The following NAPG variants were observed in gnomAD, a reference collection of about 807,000 sequenced individuals.
The protein encoded by NAPG is NSF attachment protein gamma.
In NAPG, 25 loss-of-function variants were observed where a neutral mutation model predicts 48.4. The observed-to-expected ratio is 0.52, with a 90% CI of 0.38 to 0.72. The LOEUF (loss-of-function observed/expected upper bound fraction) is 0.72, where lower values mean the gene tolerates loss of function less well. NAPG is among the 30% of genes least tolerant of loss of function. The pLI is 0.00. For missense variants in NAPG, 359 were observed against 372.5 expected (o/e 0.96, Z 0.30); for synonymous variants, 139 against 127.2 (o/e 1.09, Z -0.62).
At chr18:10,526,287 A>AG in intron 1 of NAPG, 129 bp downstream of exon 1, 1 of 695,990 alleles carries the variant, frequency 1.4e-6, no homozygotes, top group South Asian at 1.6e-5. Context: ...TGGTGCCCGC[A>AG]GGGCTGCCGG....
Position 10,548,561 on chromosome 18 carries a change from G to A in NAPG, c.665+183G>A, listed in dbSNP as rs1034159249. ...CACCTTTTTTTTTTTTCCCTTTCCT[G>A]TATTTTTCTCTAGGGGACCTCCATG... On this transcript the variant is annotated intron_variant, in intron 10 of 11. Transcript: ENST00000322897. This position sits in a 1 kb window ranked among gnomAD's most constrained non-coding sequence, Gnocchi z 4.4. Among the ~76,000 whole-genome samples the A allele has an allele frequency of 1.6e-4, 22 of 136,014 alleles. No individual in the cohort carries two copies. Among genetic ancestry groups the A allele is most frequent in the Admixed American group, 1.5e-3 (20 of 13,592 alleles). 89.2% of individuals were successfully genotyped at this position (136,014 alleles called of 152,430 possible). A position where few individuals can be genotyped will look rare whatever the true frequency, so the allele number is the denominator to read the frequency against.
intron 5 of NAPG, among the ~76,000 whole-genome samples, chr18:10,538,961 C>T (rs1031770795): frequency 6.6e-5 from 10 of 152,020 alleles, no homozygotes; most frequent in East Asian, 1.9e-4. Context: ...TGAGATCTCA[C>T]GCCAGTCAGA....
chr18:10,547,065 G>A (rs532495545), intron 9 of NAPG, among the ~76,000 whole-genome samples: 41 of 152,320 alleles, frequency 2.7e-4, no homozygotes, highest in African/African-American at 9.6e-4. Flanking sequence ...CAAGTCTTGG[G>A]TTTACTCTTC....
intron 3 of NAPG, chr18:10,533,321 A>G: frequency 2.3e-6 from 1 of 426,812 alleles, no homozygotes; most frequent in Non-Finnish European, 4.1e-6. Flanking sequence ...AATAGTTTAA[A>G]ATCTGTGCAG....
chr18:10,526,364 G>A, intron 1 of NAPG: 1 of 564,846 alleles, frequency 1.8e-6, no homozygotes, highest in Non-Finnish European at 3.1e-6. Flanking sequence ...GGGAAGCGCC[G>A]TGGGTCCACC....
chr18:10,541,673 C>G (rs1312958822), intron 8 of NAPG, among the ~76,000 whole-genome samples: 2 of 152,160 alleles, frequency 1.3e-5, no homozygotes, highest in Admixed American at 1.3e-4. Flanking sequence ...TTCTCATCTC[C>G]TGATGCTCCC....
At chr18:10,530,720 C>A in intron 1 of NAPG, 50 bp from the exon 2 acceptor site, 6 of 1,132,818 alleles carry the variant, frequency 5.3e-6, no homozygotes, top group Non-Finnish European at 7.2e-6. Flanking sequence ...AGAGATCTGA[C>A]TTATAAATGT....
At chr18:10,535,634 G>A (rs1189519205) in intron 5 of NAPG, among the ~76,000 whole-genome samples, 5 of 152,112 alleles carry the variant, frequency 3.3e-5, no homozygotes, top group South Asian at 2.1e-4. Flanking sequence ...GGTGGCGGGC[G>A]CCTGTAATCC....
Position 10,550,281 on chromosome 18 carries a change from G to A in NAPG, c.*61G>A. 6.6e-7 allele frequency: 1 copy of A among 1,522,268 alleles called. No individual in the cohort carries two copies. The highest frequency in any genetic ancestry group is 8.8e-7 in the Non-Finnish European group (1 of 1,136,358). 94.3% of individuals were successfully genotyped at this position (1,522,268 alleles called of 1,614,324 possible). A position where few individuals can be genotyped will look rare whatever the true frequency, so the allele number is the denominator to read the frequency against. On this transcript the variant is annotated 3_prime_UTR_variant, in exon 12 of 12. Coordinates refer to ENST00000322897, the MANE Select transcript of NAPG (RefSeq NM_003826.3). ...TAAAATCCTGACATGCCATTTCAAG[G>A]ACTTGGGAATAGATTAGGGATATCC...
intron 2 of NAPG, among the ~76,000 whole-genome samples, chr18:10,531,438 C>G (rs962053529): frequency 2.6e-5 from 4 of 152,138 alleles, no homozygotes; most frequent in African/African-American, 4.8e-5. Flanking sequence ...TAGCTTTAAG[C>G]ATACCTGTGA....
rs550215417 is a variant in NAPG, at chr18:10,540,175, A to G, written c.435+121A>G. The G allele has an allele frequency of 1.1e-4, 116 of 1,064,298 alleles. No homozygotes were observed. In the African/African-American group the frequency reaches 1.5e-3, roughly 13 times the overall value. 65.9% of individuals were successfully genotyped at this position (1,064,298 alleles called of 1,614,324 possible). On this transcript the variant is annotated intron_variant, in intron 7 of 11. Transcript: ENST00000322897. ...TTTTCCCTGCTCACAGTTGCACGCT[A>G]TTTCTTTTCTGTTAGAGAGTAGTGA... is the stretch of plus-strand genomic sequence containing the variant.
chr18:10,530,951 A>C, intron 2 of NAPG, 114 bp downstream of exon 2: 1 of 802,426 alleles, frequency 1.2e-6, no homozygotes, highest in South Asian at 3.5e-5. Flanking sequence ...ATAGTTAAAA[A>C]ACAAACAAAA....
chr18:10,548,906 C>G lies in NAPG; in HGVS notation c.666-61C>G, dbSNP rs2032324778. On this transcript the variant is annotated intron_variant, in intron 10 of 11. Coordinates refer to ENST00000322897, the MANE Select transcript of NAPG (RefSeq NM_003826.3). The surrounding 1 kb of genome is among the most constrained non-coding windows in gnomAD (Gnocchi z 4.4). ...GTCACATGCCAGGGGCAGAATCATC[C>G]CTGCCTGAGATGTGTTCTTTTAAGG... 3 of 1,570,846 alleles carry G rather than the reference C, an allele frequency of 1.9e-6. No homozygotes were observed. The South Asian group carries it at 3.5e-5, about 18-fold the overall frequency.
In NAPG at chr18:10,552,272, A is replaced by G. The variant is rs2032414111; in HGVS notation, c.*2052A>G. The G allele has an allele frequency of 6.6e-6, 1 of 152,274 alleles. No homozygotes were observed. The highest frequency in any genetic ancestry group is 1.5e-5 in the Non-Finnish European group (1 of 68,050). 9.4% of individuals were successfully genotyped at this position (152,274 alleles called of 1,614,324 possible). On this transcript the variant is annotated 3_prime_UTR_variant, in exon 12 of 12. Coordinates refer to ENST00000322897, the MANE Select transcript of NAPG (RefSeq NM_003826.3). ...TTAAACCACACAAAAGGCTGTGTCC[A>G]GGTGCAGCCTCCTTCACCCTTCCTG... is the stretch of plus-strand genomic sequence containing the variant.
rs905536416 is a variant in NAPG, at chr18:10,546,272, T to C, written c.507-54T>C. ...TGTCAAGTACATTTCACAGGGGACCTCTGCTATAGATCATTTAGACCTGCT... is the reference window on the plus strand; with the variant it reads ...TGTCAAGTACATTTCACAGGGGACCCCTGCTATAGATCATTTAGACCTGCT... On this transcript the variant is annotated intron_variant, in intron 8 of 11. Coordinates refer to ENST00000322897, the MANE Select transcript of NAPG (RefSeq NM_003826.3). The surrounding 1 kb of genome is among the most constrained non-coding windows in gnomAD (Gnocchi z 4.0). The C allele has an allele frequency of 5.2e-6, 6 of 1,161,602 alleles. No homozygotes were observed. The highest frequency in any genetic ancestry group is 7.3e-6 in the Non-Finnish European group (6 of 816,810). The allele number at this position is 1,161,602 out of a possible 1,614,324, so 72.0% of individuals were successfully genotyped here.
rs1322973197 is a variant in NAPG, at chr18:10,550,333, A to G, written c.*113A>G. 4.9e-6 allele frequency: 6 copies of G among 1,219,252 alleles called. No homozygotes were observed. Among genetic ancestry groups the G allele is most frequent in the Non-Finnish European group, 6.6e-6 (6 of 911,508 alleles). 75.5% of individuals were successfully genotyped at this position (1,219,252 alleles called of 1,614,324 possible). A position where few individuals can be genotyped will look rare whatever the true frequency, so the allele number is the denominator to read the frequency against. ...TACTTCATTACAGTCATGATTTTGG[A>G]TCCTAATAAAGACTAGTTTTTAGTT... On this transcript the variant is annotated 3_prime_UTR_variant, in exon 12 of 12. Coordinates refer to ENST00000322897, the MANE Select transcript of NAPG (RefSeq NM_003826.3).
At chr18:10,530,877 T>G in intron 2 of NAPG, 40 bp downstream of exon 2, 2 of 1,426,698 alleles carry the variant, frequency 1.4e-6, no homozygotes, top group Non-Finnish European at 1.9e-6. Flanking sequence ...GTATGTAATC[T>G]TAAAATAGTC....
Position 10,546,937 on chromosome 18 carries a change from A to C in NAPG, c.585+533A>C, listed in dbSNP as rs891487186. Among the ~76,000 whole-genome samples the C allele has an allele frequency of 6.6e-6, 1 of 152,322 alleles. No homozygotes were observed. The highest frequency in any genetic ancestry group is 1.9e-4 in the East Asian group (1 of 5,190). On this transcript the variant is annotated intron_variant, in intron 9 of 11. Coordinates refer to ENST00000322897, the MANE Select transcript of NAPG (RefSeq NM_003826.3). This position sits in a 1 kb window ranked among gnomAD's most constrained non-coding sequence, Gnocchi z 4.0. ...TGATGGCTCAGGTTGATAAAACTCC[A>C]CAAGGACCCCAGTCTCTTTTGCCAG...
rs2031990687 is a variant in NAPG, at chr18:10,534,393, T to C, written c.228-73T>C. On this transcript the variant is annotated intron_variant, in intron 4 of 11. Transcript: ENST00000322897. This position sits in a 1 kb window ranked among gnomAD's most constrained non-coding sequence, Gnocchi z 5.0. ...TTGAAGTCACTTTCCTTACCAGTAG[T>C]TCCTCACCAGAAAGTTTCTTCTACC... 5.3e-6 allele frequency: 7 copies of C among 1,315,402 alleles called. No homozygotes were observed. The highest frequency in any genetic ancestry group is 1.4e-5 in the African/African-American group (1 of 69,144). 81.5% of individuals were successfully genotyped at this position (1,315,402 alleles called of 1,614,324 possible).
Sources: allele counts gnomAD v4.1 joint callset (sites outside exome capture counted in the v4.1 genomes callset), GRCh38; gene constraint gnomAD v4.1.1; non-coding constraint Gnocchi (gnomAD v3.1); transcripts MANE v1.5; gene names NCBI Gene and HGNC (gene_info 2026-07-23, HGNC 2026-07-21).